CLDN12: variants seen among roughly 807,000 people sequenced by gnomAD.
CLDN12 encodes claudin 12.
In CLDN12, 9 loss-of-function variants were observed where a neutral mutation model predicts 15.5. The ratio of observed to expected loss-of-function variants is 0.58; its 90% CI spans 0.35 to 1.02. The LOEUF (loss-of-function observed/expected upper bound fraction) is 1.02. CLDN12 is among the 50% of genes least tolerant of loss of function. CLDN12 has a pLI of 0.02. For synonymous variants in CLDN12, 140 were observed against 121.6 expected, an observed-to-expected ratio of 1.15 and a Z score of -1.00; for missense variants, 233 against 297.3, an observed-to-expected ratio of 0.78 and a Z score of 1.59.
chr7:90,403,728 T>A (rs1349768029), intron 1 of CLDN12, 179 bp downstream of exon 1: 2 of 151,632 alleles, frequency 1.3e-5, no homozygotes, highest in Non-Finnish European at 2.9e-5. Context: ...TACACAGGAG[T>A]ATGGAAATGT....
In CLDN12 at chr7:90,414,228, C is replaced by T. The variant is rs1584669740; in HGVS notation, c.*817C>T. 2.0e-6 allele frequency: 2 copies of T among 999,972 alleles called. No homozygotes were observed. The highest frequency in any genetic ancestry group is 1.2e-4 in the Admixed American group (2 of 16,242). The allele number at this position is 999,972 out of a possible 1,614,324, so 61.9% of individuals were successfully genotyped here. The stretch of plus-strand genomic sequence containing the variant: ...TGGCTAGGAGAAATAAATAAAAGGG[C>T]CATAATGGTTTGTTCTCTTTCAGAC... On this transcript the variant is annotated 3_prime_UTR_variant, in exon 4 of 4. Coordinates refer to ENST00000496677, the MANE Select transcript of CLDN12 (RefSeq NM_001185072.3).
Position 90,413,412 on chromosome 7 carries a change from T to C in CLDN12, c.*1T>C, listed in dbSNP as rs1562969817. 2.5e-6 allele frequency: 4 copies of C among 1,611,024 alleles called. No individual in the cohort carries two copies. The highest frequency in any genetic ancestry group is 4.5e-5 in the East Asian group (2 of 44,804). Reference sequence around the variant, plus strand: ...TCCAGTAGTTTCACACACCACTTAATGGGGAAATAGTTAATTGTTAAAGAA... The same window carrying C: ...TCCAGTAGTTTCACACACCACTTAACGGGGAAATAGTTAATTGTTAAAGAA... On this transcript the variant is annotated 3_prime_UTR_variant, in exon 4 of 4. Coordinates refer to ENST00000496677, the MANE Select transcript of CLDN12 (RefSeq NM_001185072.3).
chr7:90,412,381 G>T (rs1305172245), intron 3 of CLDN12: 2 of 352,388 alleles, frequency 5.7e-6, no homozygotes, highest in Non-Finnish European at 1.0e-5. Context: ...TTTTTTAATT[G>T]TGAAGAAAAA....
rs1797046336 is a variant in CLDN12 at position 90,415,050 on chromosome 7, T to G, written c.*1639T>G. ...TATGGTAAACAGATTATTATGCCTT[T>G]TTGCAATTCTGAATATGATTCTAGT... On this transcript the variant is annotated 3_prime_UTR_variant, in exon 4 of 4. Transcript: ENST00000496677. 1 of 166,970 alleles carries G rather than the reference T, an allele frequency of 6.0e-6. No homozygotes were observed. The highest frequency in any genetic ancestry group is 2.4e-5 in the African/African-American group (1 of 41,470). The allele number at this position is 166,970 out of a possible 1,614,324, so 10.3% of individuals were successfully genotyped here.
At chr7:90,412,470 C>T (rs1796986033) in intron 3 of CLDN12, 174 bp from the exon 4 acceptor site, 1 of 555,014 alleles carries the variant, frequency 1.8e-6, no homozygotes, top group African/African-American at 1.9e-5. Flanking sequence ...GCTCTGAGGT[C>T]ACACACACCT....
chr7:90,412,216 T>G (rs11760813), intron 3 of CLDN12, 167 bp downstream of exon 3: 4,799 of 159,926 alleles, frequency 0.03, 99 homozygotes, highest in Middle Eastern at 0.044. Context: ...GAATTTGTGG[T>G]GTTTGTAGCT....
At chr7:90,408,366 G>A (rs1421374946) in intron 2 of CLDN12, among the ~76,000 whole-genome samples, 1 of 152,074 alleles carries the variant, frequency 6.6e-6, no homozygotes, top group East Asian at 1.9e-4. Flanking sequence ...AGTCTGGCAT[G>A]GTGGCATGCA....
intron 2 of CLDN12, among the ~76,000 whole-genome samples, chr7:90,408,787 A>G (rs1375373879): frequency 1.3e-5 from 2 of 152,186 alleles, no homozygotes; most frequent in Admixed American, 6.5e-5. Flanking sequence ...AACCAATATA[A>G]TATTTGTATT....
chr7:90,406,598 C>T (rs1032748992), intron 2 of CLDN12, among the ~76,000 whole-genome samples: 1 of 152,196 alleles, frequency 6.6e-6, no homozygotes, highest in Non-Finnish European at 1.5e-5. Context: ...TTCTGGTTTA[C>T]AAAGGACTTT....
chr7:90,410,847 A>C (rs1796944591), intron 2 of CLDN12, among the ~76,000 whole-genome samples: 1 of 152,110 alleles, frequency 6.6e-6, no homozygotes, highest in Non-Finnish European at 1.5e-5. Flanking sequence ...AAATACAAAA[A>C]TTAGCTGAAC....
intron 2 of CLDN12, chr7:90,409,201 G>GA (rs1562968417): frequency 2.0e-5 from 3 of 152,078 alleles, no homozygotes. Flanking sequence ...TACTACTTTT[G>GA]TTTTTTGTTC....
At chr7:90,410,146 C>A (rs1215930704) in intron 2 of CLDN12, among the ~76,000 whole-genome samples, 3 of 150,890 alleles carry the variant, frequency 2.0e-5, no homozygotes, top group Non-Finnish European at 4.4e-5. Context: ...GAGCTGTATC[C>A]TAGAGCTTGG....
chr7:90,414,396 C>G lies in CLDN12; in HGVS notation c.*985C>G, dbSNP rs895178364. 2 of 1,000,154 alleles carry G rather than the reference C, an allele frequency of 2.0e-6. No individual in the cohort carries two copies. Among genetic ancestry groups the G allele is most frequent in the Non-Finnish European group, 2.4e-6 (2 of 829,948 alleles). 62.0% of individuals were successfully genotyped at this position (1,000,154 alleles called of 1,614,324 possible). ...ATTCACCCTTGATTCATTTCTCGCC[C>G]CCGTCACTGATTATTTCCTTGAGCA... On this transcript the variant is annotated 3_prime_UTR_variant, in exon 4 of 4. Coordinates refer to ENST00000496677, the MANE Select transcript of CLDN12 (RefSeq NM_001185072.3).
At chr7:90,408,180 A>G (rs1796881213) in intron 2 of CLDN12, among the ~76,000 whole-genome samples, 1 of 152,224 alleles carries the variant, frequency 6.6e-6, no homozygotes, top group Admixed American at 6.5e-5. Context: ...GTTTTAAAAC[A>G]TCAAACATAT....
chr7:90,408,187 A>G (rs1796881264), intron 2 of CLDN12, among the ~76,000 whole-genome samples: 1 of 152,214 alleles, frequency 6.6e-6, no homozygotes, highest in Non-Finnish European at 1.5e-5. Context: ...AACATCAAAC[A>G]TATTCTTTCC....
chr7:90,411,375 A>C lies in CLDN12; in HGVS notation c.-76-632A>C, dbSNP rs535613750. 3.3e-5 allele frequency among the ~76,000 whole-genome samples: 5 copies of C among 152,334 alleles called. No individual in the cohort carries two copies. In the East Asian group the frequency reaches 9.6e-4, roughly 29 times the overall value. On this transcript the variant is annotated intron_variant, in intron 2 of 3. Coordinates refer to ENST00000496677, the MANE Select transcript of CLDN12 (RefSeq NM_001185072.3). Reference sequence around the variant, plus strand: ...GAAAATACATTTGAGTCCTGCTTTGAGAGTGAATATCAGACCCTTGAGGAA... The same window carrying C: ...GAAAATACATTTGAGTCCTGCTTTGCGAGTGAATATCAGACCCTTGAGGAA...
At chr7:90,406,640 C>G (rs1018412581) in intron 2 of CLDN12, among the ~76,000 whole-genome samples, 1 of 152,196 alleles carries the variant, frequency 6.6e-6, no homozygotes, top group Non-Finnish European at 1.5e-5. Flanking sequence ...TTGTGGGACA[C>G]TTTACAGATG....
chr7:90,410,302 T>G (rs1264892711), intron 2 of CLDN12, among the ~76,000 whole-genome samples: 1 of 152,170 alleles, frequency 6.6e-6, no homozygotes, highest in Non-Finnish European at 1.5e-5. Flanking sequence ...TCTCTCCCTT[T>G]CATAAAATTT....
rs1275779056 is a variant in CLDN12, at chr7:90,412,893, A to G, written c.217A>G (p.Thr73Ala). ...CAGTGACTGCCTGATGTACGACACT[A>G]CTTGGTACTCATCAGTTGACCAGCT... ...GSSDCLMYDT[T>A]WYSSVDQLDL... The change falls in exon 4 of 4, where the codon ACT becomes GCT. Residue 73 changes from threonine (T) to alanine (A), a missense_variant. Coordinates refer to ENST00000496677, the MANE Select transcript of CLDN12 (RefSeq NM_001185072.3). 1.2e-6 allele frequency: 2 copies of G among 1,614,026 alleles called. No individual in the cohort carries two copies. Among genetic ancestry groups the G allele is most frequent in the Admixed American group, 1.7e-5 (1 of 59,990 alleles).
Sources: allele counts gnomAD v4.1 joint callset (sites outside exome capture counted in the v4.1 genomes callset), GRCh38; gene constraint gnomAD v4.1.1; transcripts MANE v1.5; gene names NCBI Gene and HGNC (gene_info 2026-07-23, HGNC 2026-07-21).